GPR158: variants seen among roughly 807,000 people sequenced by gnomAD.
GPR158 encodes the protein G protein-coupled receptor 158.
In GPR158, 30 loss-of-function variants were observed where a neutral mutation model predicts 78.2. The ratio of observed to expected loss-of-function variants is 0.38; its 90% CI spans 0.29 to 0.52. The LOEUF is 0.52. Among genes scored for constraint, GPR158 ranks in the 20% least tolerant of loss-of-function variants. The pLI is 0.83. For missense variants in GPR158, 1,463 were observed against 1,523.5 expected, an observed-to-expected ratio of 0.96 and a Z score of 0.66; for synonymous variants, 581 against 591.1, an observed-to-expected ratio of 0.98 and a Z score of 0.25.
intron 5 of GPR158, among the ~76,000 whole-genome samples, chr10:25,478,493 C>CGTGTGTGT (rs71399974): frequency 4.1e-5 from 6 of 145,092 alleles, no homozygotes; most frequent in African/African-American, 1.5e-4. Flanking sequence ...ATATATAATG[C>CGTGTGTGT]GTGTGTGTGT....
intron 2 of GPR158, among the ~76,000 whole-genome samples, chr10:25,335,906 G>A (rs1335273738): frequency 1.3e-5 from 2 of 151,892 alleles, no homozygotes; most frequent in South Asian, 2.1e-4. Flanking sequence ...AATCCTTTCT[G>A]TCATTCTGTT....
At chr10:25,409,656 T>A (rs947783947) in intron 3 of GPR158, among the ~76,000 whole-genome samples, 10 of 152,208 alleles carry the variant, frequency 6.6e-5, no homozygotes, top group African/African-American at 2.4e-4. Context: ...ATTCTTAGAG[T>A]TAATTTCTCC....
chr10:25,508,830 A>C (rs1328459057), intron 5 of GPR158, among the ~76,000 whole-genome samples: 1 of 152,190 alleles, frequency 6.6e-6, no homozygotes, highest in Non-Finnish European at 1.5e-5. Context: ...TCTCCCTGCT[A>C]TGGCTGCTTG....
chr10:25,451,423 G>A (rs1835214391), intron 4 of GPR158, among the ~76,000 whole-genome samples: 1 of 152,176 alleles, frequency 6.6e-6, no homozygotes, highest in Non-Finnish European at 1.5e-5. Flanking sequence ...AGGAAGACAA[G>A]TTTTTCACAC....
intron 5 of GPR158, among the ~76,000 whole-genome samples, chr10:25,527,054 TATC>T (rs144721085): frequency 0.041 from 6,187 of 152,306 alleles, 242 homozygotes; most frequent in African/African-American, 0.11. Context: ...AGGGACATGT[TATC>T]ATGATGATAA....
intron 6 of GPR158, among the ~76,000 whole-genome samples, chr10:25,556,130 G>A (rs1290101643): frequency 1.3e-5 from 2 of 152,132 alleles, no homozygotes; most frequent in East Asian, 1.9e-4. Context: ...GCAGTTATTC[G>A]ACTTGGTTGA....
chr10:25,495,495 T>C (rs1223878292), intron 5 of GPR158, among the ~76,000 whole-genome samples: 1 of 151,926 alleles, frequency 6.6e-6, no homozygotes, highest in Non-Finnish European at 1.5e-5. Context: ...GGTTTCACCA[T>C]GTTAGCCAGG....
At chr10:25,575,362 A>G (rs1837077507) in intron 7 of GPR158, among the ~76,000 whole-genome samples, 1 of 152,178 alleles carries the variant, frequency 6.6e-6, no homozygotes, top group South Asian at 2.1e-4. Context: ...GAAATGCACC[A>G]AACTCACCAA....
rs528044067 is a variant in GPR158, at chr10:25,524,375, C to T, written c.1405-26601C>T. 9.9e-5 allele frequency among the ~76,000 whole-genome samples: 15 copies of T among 152,264 alleles called. No individual in the cohort carries two copies. In the South Asian group the frequency reaches 3.1e-3, roughly 32 times the overall value. ...GAACAAAATTGGAAGACTCATACTCCCTTACTTCCACCAAACTTACTACAA... is the reference window on the plus strand; with the variant it reads ...GAACAAAATTGGAAGACTCATACTCTCTTACTTCCACCAAACTTACTACAA... On this transcript the variant is annotated intron_variant, in intron 5 of 10. Coordinates refer to ENST00000376351, the MANE Select transcript of GPR158 (RefSeq NM_020752.3).
rs530144126 is a variant in GPR158, at chr10:25,480,972, ACT to A, written c.1404+14257_1404+14258del. Among the ~76,000 whole-genome samples, 572 of 152,062 alleles carry A rather than the reference ACT, an allele frequency of 3.8e-3. 2 individuals are homozygous for A. Among genetic ancestry groups the A allele is most frequent in the Non-Finnish European group, 5.6e-3 (383 of 67,976 alleles). On this transcript the variant is annotated intron_variant, in intron 5 of 10. Coordinates refer to ENST00000376351, the MANE Select transcript of GPR158 (RefSeq NM_020752.3). ...TGAGTTTATTTCTGCCAAGATAGCC[ACT>A]CTCCAGAAGAACCTCAATCGGGAGA...
At chr10:25,241,898 C>A (rs971770889) in intron 2 of GPR158, among the ~76,000 whole-genome samples, 1 of 152,068 alleles carries the variant, frequency 6.6e-6, no homozygotes, top group East Asian at 1.9e-4. Flanking sequence ...GTATCTAGAC[C>A]CATTAGTTGA....
At chr10:25,240,081 A>G (rs571627583) in intron 2 of GPR158, among the ~76,000 whole-genome samples, 1 of 152,332 alleles carries the variant, frequency 6.6e-6, no homozygotes, top group South Asian at 2.1e-4. Flanking sequence ...ATATTTCCAA[A>G]GGCATTGATT....
At chr10:25,179,248 G>T (rs532614189) in intron 1 of GPR158, among the ~76,000 whole-genome samples, 1 of 152,282 alleles carries the variant, frequency 6.6e-6, no homozygotes, top group Non-Finnish European at 1.5e-5. Flanking sequence ...AACCTCAAAT[G>T]AATTTTTGGT....
chr10:25,282,279 T>C (rs1305912280), intron 2 of GPR158, among the ~76,000 whole-genome samples: 2 of 152,126 alleles, frequency 1.3e-5, no homozygotes, highest in African/African-American at 4.8e-5. Context: ...CCATGAGATA[T>C]TCATTCATAT....
chr10:25,273,524 G>A (rs1383746272), intron 2 of GPR158, among the ~76,000 whole-genome samples: 1 of 151,204 alleles, frequency 6.6e-6, no homozygotes, highest in Non-Finnish European at 1.5e-5. Context: ...AGACTTATGA[G>A]GTAATTTGCA....
Position 25,309,734 on chromosome 10 carries a change from A to G in GPR158, c.1009-86177A>G, listed in dbSNP as rs1176800395. Among the ~76,000 whole-genome samples the G allele has an allele frequency of 2.0e-5, 3 of 152,172 alleles. No homozygotes were observed. In the East Asian group the frequency reaches 5.8e-4, roughly 30 times the overall value. ...TCCTGTGCTTCTCAGGATAGTGAAT[A>G]AGTCTCATGAGATCTGATGGTTTTA... On this transcript the variant is annotated intron_variant, in intron 2 of 10. Coordinates refer to ENST00000376351, the MANE Select transcript of GPR158 (RefSeq NM_020752.3).
intron 2 of GPR158, among the ~76,000 whole-genome samples, chr10:25,391,286 A>G (rs1834294481): frequency 6.6e-6 from 1 of 152,180 alleles, no homozygotes; most frequent in Non-Finnish European, 1.5e-5. Context: ...GAAGAGGACC[A>G]CCATCCTCCA....
In GPR158 at chr10:25,522,822, A is replaced by G. The variant is rs545879199; in HGVS notation, c.1405-28154A>G. Among the ~76,000 whole-genome samples, 7 of 152,328 alleles carry G rather than the reference A, an allele frequency of 4.6e-5. No individual in the cohort carries two copies. In the South Asian group the frequency reaches 1.5e-3, roughly 32 times the overall value. On this transcript the variant is annotated intron_variant, in intron 5 of 10. Transcript: ENST00000376351. ...GGGAATTAGGAAGCTTCTCCTTAAT[A>G]TGGGTAAAGTTTTCAGTTTTTTAAA...
At chr10:25,177,951 C>T (rs1362529920) in intron 1 of GPR158, among the ~76,000 whole-genome samples, 1 of 152,132 alleles carries the variant, frequency 6.6e-6, no homozygotes, top group Non-Finnish European at 1.5e-5. Flanking sequence ...TGAATCTTTG[C>T]CATACTGTTT....
Sources: allele counts gnomAD v4.1 joint callset (sites outside exome capture counted in the v4.1 genomes callset), GRCh38; gene constraint gnomAD v4.1.1; transcripts MANE v1.5; gene names NCBI Gene and HGNC (gene_info 2026-07-23, HGNC 2026-07-21).